ATP9B: variants seen among roughly 807,000 people sequenced by gnomAD.
The protein encoded by ATP9B is probable phospholipid-transporting ATPase IIB.
Under a neutral mutation model 146.1 loss-of-function variants are expected in ATP9B, and 110 were observed. The ratio of observed to expected loss-of-function variants is 0.75; its 90% CI spans 0.65 to 0.88. ATP9B has a LOEUF of 0.88. Ranked by LOEUF, ATP9B falls within the 40% of genes least tolerant of loss-of-function variation. The pLI, the probability that ATP9B is intolerant of heterozygous loss-of-function variation, is 0.00. For synonymous variants in ATP9B, 604 were observed against 569.7 expected (o/e 1.06, Z -0.86); for missense variants, 1,499 against 1,496.4 (o/e 1.00, Z -0.03).
intron 11 of ATP9B, among the ~76,000 whole-genome samples, chr18:79,226,950 C>T (rs890564125): frequency 2.2e-4 from 33 of 151,900 alleles, no homozygotes; most frequent in African/African-American, 7.3e-4. Context: ...ACTGAACACC[C>T]ACTGTGTGTT....
chr18:79,377,584 G>A lies in ATP9B; in HGVS notation c.*201G>A, dbSNP rs1406949949. The A allele has an allele frequency of 1.5e-5, 10 of 676,988 alleles. No individual in the cohort carries two copies. The African/African-American group carries it at 1.8e-4, about 12-fold the overall frequency. 41.9% of individuals were successfully genotyped at this position (676,988 alleles called of 1,614,324 possible). Reference sequence around the variant, plus strand: ...CAGGGACGTCACCCCTGCCAGGCAAGCCCAGGGCACAGATGCCAGGATGGC... The same window carrying A: ...CAGGGACGTCACCCCTGCCAGGCAAACCCAGGGCACAGATGCCAGGATGGC... On this transcript the variant is annotated 3_prime_UTR_variant, in exon 30 of 30. Coordinates refer to ENST00000426216, the MANE Select transcript of ATP9B (RefSeq NM_198531.5).
intron 17 of ATP9B, among the ~76,000 whole-genome samples, chr18:79,335,555 C>T (rs1196330443): frequency 6.6e-6 from 1 of 152,238 alleles, no homozygotes; most frequent in Non-Finnish European, 1.5e-5. Flanking sequence ...TTAACACGCA[C>T]ATCAGGCCCC....
chr18:79,137,576 A>C (rs960177349), intron 5 of ATP9B, among the ~76,000 whole-genome samples: 3 of 152,154 alleles, frequency 2.0e-5, no homozygotes, highest in Non-Finnish European at 4.4e-5. Flanking sequence ...CTTTGTAAAC[A>C]TGGGCATTCT....
chr18:79,185,663 GA>G (rs748702667), intron 8 of ATP9B, among the ~76,000 whole-genome samples: 88 of 152,158 alleles, frequency 5.8e-4, no homozygotes, highest in Non-Finnish European at 2.5e-4. Context: ...TTTTTCTATA[GA>G]GAAGAAAGCT....
At chr18:79,142,960 C>T (rs991632714) in intron 5 of ATP9B, among the ~76,000 whole-genome samples, 3 of 152,090 alleles carry the variant, frequency 2.0e-5, no homozygotes, top group Admixed American at 1.3e-4. Context: ...GAACATTTTC[C>T]CTTGTTAGGA....
chr18:79,112,513 TA>T (rs1363877496), intron 3 of ATP9B, among the ~76,000 whole-genome samples: 1 of 152,224 alleles, frequency 6.6e-6, no homozygotes, highest in African/African-American at 2.4e-5. Context: ...AAATTTCTTT[TA>T]TATTTGAAAA....
chr18:79,190,403 A>T (rs1384740121), intron 8 of ATP9B, among the ~76,000 whole-genome samples: 1 of 152,140 alleles, frequency 6.6e-6, no homozygotes, highest in Non-Finnish European at 1.5e-5. Flanking sequence ...AAATTCATGT[A>T]TAAGTGGACC....
At chr18:79,167,637 T>TA (rs2094992954) in intron 7 of ATP9B, among the ~76,000 whole-genome samples, 1 of 152,116 alleles carries the variant, frequency 6.6e-6, no homozygotes, top group East Asian at 1.9e-4. Flanking sequence ...TCGCTTTTTT[T>TA]ATGAACTTAG....
intron 23 of ATP9B, 81 bp downstream of exon 23, chr18:79,345,920 A>G (rs943093109): frequency 3.4e-6 from 5 of 1,468,448 alleles, no homozygotes; most frequent in Middle Eastern, 3.5e-4. Context: ...GCCACTGTAC[A>G]CTCAGCACCT....
intron 4 of ATP9B, among the ~76,000 whole-genome samples, chr18:79,123,376 A>G (rs1392878473): frequency 6.6e-6 from 1 of 152,196 alleles, no homozygotes; most frequent in Non-Finnish European, 1.5e-5. Context: ...AATGAAAGCT[A>G]TAAAAGAATT....
At chr18:79,314,937 G>A (rs142754392) in intron 15 of ATP9B, among the ~76,000 whole-genome samples, 172 of 152,356 alleles carry the variant, frequency 1.1e-3, no homozygotes, top group African/African-American at 3.9e-3. Context: ...AAGGCGTGGG[G>A]TGGAAGGAAC....
intron 15 of ATP9B, among the ~76,000 whole-genome samples, chr18:79,314,035 C>T (rs922366322): frequency 6.6e-6 from 1 of 152,162 alleles, no homozygotes; most frequent in Non-Finnish European, 1.5e-5. Flanking sequence ...TCCCGATCAC[C>T]AAAGTACCGT....
At chr18:79,080,730 C>T (rs1320137207) in intron 1 of ATP9B, among the ~76,000 whole-genome samples, 2 of 152,124 alleles carry the variant, frequency 1.3e-5, no homozygotes, top group Non-Finnish European at 2.9e-5. Context: ...CAGCTTTTGC[C>T]CACTCAGTAT....
At chr18:79,075,674 C>T (rs1003168336) in intron 1 of ATP9B, among the ~76,000 whole-genome samples, 2 of 152,216 alleles carry the variant, frequency 1.3e-5, no homozygotes, top group African/African-American at 4.8e-5. Context: ...CATCCTTTCT[C>T]TCTCAAGTCA....
At chr18:79,307,285 A>G in intron 15 of ATP9B, 51 bp downstream of exon 15, 3 of 1,609,298 alleles carry the variant, frequency 1.9e-6, no homozygotes, top group Non-Finnish European at 2.5e-6. Flanking sequence ...TTTGGACTCC[A>G]GAGTCATGAG....
intron 17 of ATP9B, among the ~76,000 whole-genome samples, chr18:79,332,167 C>T (rs1026806845): frequency 5.4e-5 from 8 of 148,182 alleles, no homozygotes; most frequent in Admixed American, 4.0e-4. Context: ...CGGTGGCTTA[C>T]GCCTGTAATG....
At chr18:79,118,387 TTTG>T (rs1206552514) in intron 4 of ATP9B, among the ~76,000 whole-genome samples, 19 of 115,048 alleles carry the variant, frequency 1.7e-4, no homozygotes, top group African/African-American at 4.1e-4. Flanking sequence ...ATTGAACGTT[TTTG>T]TTTTTTTTTT....
chr18:79,354,001 G>GA (rs2096936398), intron 25 of ATP9B: 2 of 152,270 alleles, frequency 1.3e-5, no homozygotes, highest in African/African-American at 4.8e-5. Flanking sequence ...AACTCATCAA[G>GA]AAAACAGAAT....
Position 79,176,916 on chromosome 18 carries a change from C to T in ATP9B, c.873+9C>T. On this transcript the variant is annotated intron_variant, in intron 8 of 29. Coordinates refer to ENST00000426216, the MANE Select transcript of ATP9B (RefSeq NM_198531.5). ...AGCTGCCGGCTCTGGGGGTGAGCAGCACCAAGACTACTCCATCCTTTTATC... is the reference window on the plus strand; with the variant it reads ...AGCTGCCGGCTCTGGGGGTGAGCAGTACCAAGACTACTCCATCCTTTTATC... The T allele has an allele frequency of 1.2e-6, 2 of 1,611,468 alleles. No homozygotes were observed. The highest frequency in any genetic ancestry group is 3.3e-4 in the Middle Eastern group (2 of 6,062).
Sources: gnomAD v4.1 joint callset for allele counts (sites outside exome capture counted in the v4.1 genomes callset) on GRCh38, gnomAD v4.1.1 for gene constraint, MANE v1.5 for transcripts, NCBI Gene and HGNC (gene_info 2026-07-23, HGNC 2026-07-21) for gene names.